Variants in PEX14 observed in about 807,000 individuals in gnomAD.
PEX14 encodes the protein peroxisomal membrane protein PEX14.
A neutral mutation model predicts 49.5 loss-of-function variants in PEX14; 15 were observed. The ratio of observed to expected loss-of-function variants is 0.30; its 90% CI spans 0.20 to 0.47. The LOEUF is 0.47. PEX14 is among the 20% of genes least tolerant of loss of function. The pLI is 1.00. For missense variants in PEX14, 398 were observed against 494.8 expected, an observed-to-expected ratio of 0.80 and a Z score of 1.86; for synonymous variants, 210 against 212.7, an observed-to-expected ratio of 0.99 and a Z score of 0.11.
At position 10,495,667 on chromosome 1, in the gene PEX14, C is replaced by A. The variant is rs928893019; in HGVS notation, c.84+346C>A. Among the ~76,000 whole-genome samples the A allele has an allele frequency of 6.6e-6, 1 of 152,110 alleles. No individual in the cohort carries two copies. The highest frequency in any genetic ancestry group is 1.5e-5 in the Non-Finnish European group (1 of 68,018). On this transcript the variant is annotated intron_variant, in intron 2 of 8. Transcript: ENST00000356607. This position sits in a 1 kb window ranked among gnomAD's most constrained non-coding sequence, Gnocchi z 4.2. ...GGGCTTCTAGATTGTTTGAAGTAGC[C>A]GCCCTCTGCTCTGCCCCTCAGGGTG... is the stretch of plus-strand genomic sequence containing the variant.
At chr1:10,534,524 G>T (rs1396400023) in intron 2 of PEX14, among the ~76,000 whole-genome samples, 1 of 151,642 alleles carries the variant, frequency 6.6e-6, no homozygotes, top group Non-Finnish European at 1.5e-5. Flanking sequence ...AAATGCATCA[G>T]TGTTGTAGAT....
At position 10,627,347 on chromosome 1, in the gene PEX14, G is replaced by A; in HGVS notation, c.661G>A (p.Gly221Arg). 6.2e-7 allele frequency: 1 copy of A among 1,610,752 alleles called. No homozygotes were observed. The highest frequency in any genetic ancestry group is 8.5e-7 in the Non-Finnish European group (1 of 1,177,042). ...CAAGTCCGAAATTAACTCCTTGAAAGGGCTTCTTTTAAATCGGTAGGAGGG... is the reference window on the plus strand; with the variant it reads ...CAAGTCCGAAATTAACTCCTTGAAAAGGCTTCTTTTAAATCGGTAGGAGGG... ...ELKSEINSLKGLLLNRRQFPP... is the reference protein window; with the variant it reads ...ELKSEINSLKRLLLNRRQFPP... Residue 221 changes from glycine to arginine, a missense_variant, in exon 8 of 9, where the codon GGG becomes AGG. Gly to Arg is a moderately radical substitution (Grantham distance 125). Around this residue, in one of 3 missense-constraint regions of PEX14, gnomAD observed 202 missense variants for 298.5 expected, o/e 0.68. Coordinates refer to ENST00000356607, the MANE Select transcript of PEX14 (RefSeq NM_004565.3).
intron 3 of PEX14, among the ~76,000 whole-genome samples, chr1:10,571,880 T>A (rs1211541037): frequency 1.3e-5 from 2 of 152,162 alleles, no homozygotes; most frequent in Non-Finnish European, 2.9e-5. Flanking sequence ...TGCCATAATT[T>A]AAAAATTTTC....
chr1:10,594,008 T>G (rs1255555751), intron 3 of PEX14, among the ~76,000 whole-genome samples: 1 of 152,202 alleles, frequency 6.6e-6, no homozygotes, highest in Non-Finnish European at 1.5e-5. Flanking sequence ...ACAGCACAGC[T>G]TTCCATTACT....
intron 2 of PEX14, among the ~76,000 whole-genome samples, chr1:10,507,620 G>T (rs1468833483): frequency 6.6e-6 from 1 of 152,170 alleles, no homozygotes; most frequent in Non-Finnish European, 1.5e-5. Flanking sequence ...GCTTCTAGGG[G>T]GCAGCAGCCG....
chr1:10,600,353 G>A (rs1640947411), intron 4 of PEX14, among the ~76,000 whole-genome samples: 1 of 152,184 alleles, frequency 6.6e-6, no homozygotes, highest in Admixed American at 6.5e-5. Context: ...CCCGGGAGGT[G>A]GAGGTTGCAG....
intron 3 of PEX14, among the ~76,000 whole-genome samples, chr1:10,543,656 G>A (rs1394371077): frequency 2.0e-5 from 3 of 152,084 alleles, no homozygotes; most frequent in Non-Finnish European, 2.9e-5. Context: ...GCCTAGGCTG[G>A]AATGTAATGG....
intron 2 of PEX14, among the ~76,000 whole-genome samples, chr1:10,525,358 G>A (rs903302094): frequency 6.6e-6 from 1 of 152,056 alleles, no homozygotes; most frequent in African/African-American, 2.4e-5. Flanking sequence ...CTGCGTCAGC[G>A]GTATAGCTTG....
intron 3 of PEX14, among the ~76,000 whole-genome samples, chr1:10,569,568 T>A (rs1326637454): frequency 6.6e-6 from 1 of 152,174 alleles, no homozygotes; most frequent in Non-Finnish European, 1.5e-5. Context: ...AACTTCCATG[T>A]GGTCTTTCTT....
intron 3 of PEX14, among the ~76,000 whole-genome samples, chr1:10,566,158 A>T (rs963987464): frequency 2.6e-5 from 4 of 152,168 alleles, no homozygotes; most frequent in South Asian, 2.1e-4. Flanking sequence ...AGTTGTTCTC[A>T]GCAGTATTGT....
rs950787697 is a variant in PEX14 at position 10,596,514 on chromosome 1, A to G, written c.170-2724A>G. On this transcript the variant is annotated intron_variant, in intron 3 of 8. Transcript: ENST00000356607. The stretch of plus-strand genomic sequence containing the variant: ...ATGTAGTCCTTCTCCCAAGCTCTTT[A>G]ACAAGTCTGAAGACCTAGGACATAG... Among the ~76,000 whole-genome samples the G allele has an allele frequency of 1.5e-4, 23 of 152,016 alleles. 1 individual carries two copies. Among genetic ancestry groups the G allele is most frequent in the Non-Finnish European group, 1.2e-4 (8 of 67,992 alleles).
intron 2 of PEX14, chr1:10,516,901 GA>G (rs1409762402): frequency 6.6e-6 from 1 of 152,276 alleles, no homozygotes; most frequent in Non-Finnish European, 1.5e-5. Flanking sequence ...TAGACCTGGA[GA>G]GCAACAGCCG....
rs1405925395 is a variant in PEX14, at chr1:10,529,051, T to C, written c.85-7162T>C. Among the ~76,000 whole-genome samples the C allele has an allele frequency of 6.6e-6, 1 of 152,210 alleles. No individual in the cohort carries two copies. Among genetic ancestry groups the C allele is most frequent in the Non-Finnish European group, 1.5e-5 (1 of 68,032 alleles). On this transcript the variant is annotated intron_variant, in intron 2 of 8. Coordinates refer to ENST00000356607, the MANE Select transcript of PEX14 (RefSeq NM_004565.3). The surrounding 1 kb of genome is among the most constrained non-coding windows in gnomAD (Gnocchi z 4.2). Reference sequence around the variant, plus strand: ...TGTCATCCTTTTTTCCTCCCCTCTTTGGGTAACTGCTTTGTTGGTTGCATC... The same window carrying C: ...TGTCATCCTTTTTTCCTCCCCTCTTCGGGTAACTGCTTTGTTGGTTGCATC...
chr1:10,544,822 C>T (rs1570242900), intron 3 of PEX14, among the ~76,000 whole-genome samples: 1 of 151,654 alleles, frequency 6.6e-6, no homozygotes, highest in South Asian at 2.1e-4. Context: ...AGTGCAGTGG[C>T]GTGATTACGG....
Position 10,494,960 on chromosome 1 carries a change from G to A in PEX14, c.37-314G>A, listed in dbSNP as rs1641532865. 4.8e-6 allele frequency: 1 copy of A among 207,646 alleles called. No individual in the cohort carries two copies. The highest frequency in any genetic ancestry group is 1.7e-4 in the South Asian group (1 of 5,870). The allele number at this position is 207,646 out of a possible 1,614,324, so 12.9% of individuals were successfully genotyped here. On this transcript the variant is annotated intron_variant, in intron 1 of 8. Coordinates refer to ENST00000356607, the MANE Select transcript of PEX14 (RefSeq NM_004565.3). The surrounding 1 kb of genome is among the most constrained non-coding windows in gnomAD (Gnocchi z 4.3). ...TTCTCTGGACTCTACTCTTCCCGTG[G>A]ATTTTGGGATGGTCCCCAGCCCTTG...
Position 10,623,513 on chromosome 1 carries a change from T to C in PEX14, c.487+392T>C, listed in dbSNP as rs889947566. On this transcript the variant is annotated intron_variant, in intron 6 of 8. Coordinates refer to ENST00000356607, the MANE Select transcript of PEX14 (RefSeq NM_004565.3). This position sits in a 1 kb window ranked among gnomAD's most constrained non-coding sequence, Gnocchi z 4.4. ...GGGTCAAGAGAGTCTGTAATTACTGTGGCTCCCGGGACCCCAGCCACCTCC... is the reference window on the plus strand; with the variant it reads ...GGGTCAAGAGAGTCTGTAATTACTGCGGCTCCCGGGACCCCAGCCACCTCC... Among the ~76,000 whole-genome samples, 1 of 152,152 alleles carries C rather than the reference T, an allele frequency of 6.6e-6. No individual in the cohort carries two copies.
intron 5 of PEX14, among the ~76,000 whole-genome samples, chr1:10,621,812 G>A (rs1018985853): frequency 4.6e-5 from 7 of 152,156 alleles, no homozygotes; most frequent in African/African-American, 1.7e-4. Context: ...TCTTCACTTA[G>A]GAGTCACTCT....
chr1:10,506,492 G>T (rs1641785738), intron 2 of PEX14, among the ~76,000 whole-genome samples: 1 of 152,146 alleles, frequency 6.6e-6, no homozygotes, highest in Non-Finnish European at 1.5e-5. Context: ...GGTCAGGCTG[G>T]TCTTGAACTT....
intron 7 of PEX14, 46 bp from the exon 8 acceptor site, chr1:10,627,226 G>A (rs375323610): frequency 9.4e-5 from 128 of 1,362,298 alleles, no homozygotes; most frequent in Non-Finnish European, 1.2e-4. Context: ...GGCCCCGCCC[G>A]TGCCGCAAGG....
Sources: gnomAD v4.1 joint callset for allele counts (sites outside exome capture counted in the v4.1 genomes callset) on GRCh38, gnomAD v4.1.1 for gene constraint, gnomAD v4.1.1 regional missense constraint, Gnocchi (gnomAD v3.1) non-coding constraint, MANE v1.5 for transcripts, NCBI Gene and HGNC (gene_info 2026-07-23, HGNC 2026-07-21) for gene names.